The following TEX9 variants were observed in gnomAD, a reference collection of about 807,000 sequenced individuals.
The protein encoded by TEX9 is testis-expressed protein 9.
In TEX9, 74 loss-of-function variants were observed where a neutral mutation model predicts 59.6. The ratio of observed to expected loss-of-function variants is 1.24; its 90% CI spans 1.03 to 1.51. The LOEUF is 1.51. Ranked by LOEUF, TEX9 falls within the 40% of genes most tolerant of loss-of-function variation. TEX9 has a pLI of 0.00. For synonymous variants in TEX9, 186 were observed against 152.2 expected (o/e 1.22, Z -1.64); for missense variants, 522 against 447.8 (o/e 1.17, Z -1.49).
At chr15:56,440,535 C>T (rs2050799475) in intron 12 of TEX9, among the ~76,000 whole-genome samples, 1 of 152,134 alleles carries the variant, frequency 6.6e-6, no homozygotes, top group Non-Finnish European at 1.5e-5. Context: ...ATCAGATTTA[C>T]TCATCAGAGC....
At chr15:56,388,376 T>G (rs1292715468) in intron 4 of TEX9, 96 bp from the exon 5 acceptor site, 1 of 974,504 alleles carries the variant, frequency 1.0e-6, no homozygotes. Context: ...TGTTTGATTG[T>G]TGAATATTTT....
chr15:56,405,489 C>G (rs1247453844), intron 9 of TEX9, among the ~76,000 whole-genome samples: 2 of 152,064 alleles, frequency 1.3e-5, no homozygotes, highest in East Asian at 3.9e-4. Flanking sequence ...CCATCTATTC[C>G]AAAATCTTAT....
intron 1 of TEX9, among the ~76,000 whole-genome samples, chr15:56,246,314 G>C (rs1456046665): frequency 6.6e-6 from 1 of 152,170 alleles, no homozygotes; most frequent in African/African-American, 2.4e-5. Context: ...GCAATGGGAG[G>C]GGTGGCAGAG....
At chr15:56,414,070 G>A (rs2049541504) in intron 10 of TEX9, among the ~76,000 whole-genome samples, 1 of 151,684 alleles carries the variant, frequency 6.6e-6, no homozygotes, top group Non-Finnish European at 1.5e-5. Flanking sequence ...TTCCAATTTG[G>A]TGCATTTTAC....
intron 1 of TEX9, among the ~76,000 whole-genome samples, chr15:56,316,146 C>T (rs1330208239): frequency 6.9e-6 from 1 of 145,956 alleles, no homozygotes; most frequent in Non-Finnish European, 1.5e-5. Context: ...CTTCTTCTCT[C>T]AGCTCGTCAA....
intron 1 of TEX9, among the ~76,000 whole-genome samples, chr15:56,354,597 TG>T (rs1243229333): frequency 2.0e-5 from 3 of 152,222 alleles, no homozygotes; most frequent in African/African-American, 7.2e-5. Context: ...ATTTAAACCT[TG>T]TTCCCTTCTA....
chr15:56,370,515 G>T (rs1191783414), intron 2 of TEX9, among the ~76,000 whole-genome samples: 1 of 152,072 alleles, frequency 6.6e-6, no homozygotes, highest in Non-Finnish European at 1.5e-5. Flanking sequence ...CAGTTTATCT[G>T]AATGTAATTC....
chr15:56,402,091 C>G (rs1203007426), intron 9 of TEX9, among the ~76,000 whole-genome samples: 1 of 152,088 alleles, frequency 6.6e-6, no homozygotes, highest in East Asian at 1.9e-4. Flanking sequence ...CAAGAGGAAA[C>G]AAATTCAAAA....
At chr15:56,396,330 TCA>T (rs1247313294) in intron 9 of TEX9, 15 of 152,180 alleles carry the variant, frequency 9.9e-5, no homozygotes, top group African/African-American at 3.4e-4. Context: ...TGCAGTAAAT[TCA>T]CACTTTTTAG....
At position 56,374,837 on chromosome 15, in the gene TEX9, A is replaced by G. The variant is rs569808292; in HGVS notation, c.183+1333A>G. On this transcript the variant is annotated intron_variant, in intron 3 of 12. Coordinates refer to ENST00000352903, the Ensembl canonical transcript of TEX9. ...TTTTGTGCCTGGCTTATTTCACTCA[A>G]TGACTTCCAGTTACATCCATGTTGT... is the stretch of plus-strand genomic sequence containing the variant. Among the ~76,000 whole-genome samples the G allele has an allele frequency of 5.9e-5, 9 of 152,118 alleles. No homozygotes were observed. In the East Asian group the frequency reaches 1.3e-3, roughly 23 times the overall value.
downstream of TEX9, chr15:56,446,963 CAA>C: frequency 6.4e-7 from 1 of 1,551,224 alleles, no homozygotes; most frequent in Non-Finnish European, 8.8e-7. Flanking sequence ...AAAACAAAAA[CAA>C]ATTTAAATGT....
chr15:56,352,857 GCT>G (rs1329434937), intron 1 of TEX9, among the ~76,000 whole-genome samples: 1 of 152,172 alleles, frequency 6.6e-6, no homozygotes, highest in Non-Finnish European at 1.5e-5. Flanking sequence ...TGAAAATTGA[GCT>G]CTGATACATA....
chr15:56,316,410 G>C (rs566418546), intron 1 of TEX9, among the ~76,000 whole-genome samples: 5 of 139,432 alleles, frequency 3.6e-5, no homozygotes, highest in Non-Finnish European at 7.8e-5. Context: ...GTACCCTGCC[G>C]TGTGAGGCGT....
Position 56,256,269 on chromosome 15 carries a change from A to T in TEX9, c.-107+11991A>T, listed in dbSNP as rs563825624. Among the ~76,000 whole-genome samples the T allele has an allele frequency of 7.9e-5, 12 of 152,226 alleles. No homozygotes were observed. The East Asian group carries it at 2.3e-3, about 29-fold the overall frequency. ...GGAACTGAAGCACAAAGCTGTACTA[A>T]ATAACCCGGCCAAGGGCACACAATC... On this transcript the variant is annotated intron_variant, in intron 1 of 5. Transcript: ENST00000560827.
chr15:56,244,653 C>T (rs569358790), intron 1 of TEX9, among the ~76,000 whole-genome samples: 24 of 129,550 alleles, frequency 1.9e-4, no homozygotes, highest in African/African-American at 6.5e-4. Flanking sequence ...GGCTCTAAAG[C>T]ATAGCTCAAG....
the TEX9 span, among the ~76,000 whole-genome samples, chr15:56,452,506 TTTG>T: frequency 1.4e-5 from 2 of 147,678 alleles, no homozygotes; most frequent in Non-Finnish European, 3.0e-5. Flanking sequence ...TCCATATTGT[TTTG>T]TTTTCTTTTT....
chr15:56,443,287 TTC>T (rs1190216450), intron 12 of TEX9: 2 of 524,256 alleles, frequency 3.8e-6, no homozygotes, highest in African/African-American at 4.0e-5. Flanking sequence ...GCTTGAAAAT[TTC>T]TGTCTTTTAA....
intron 4 of TEX9, among the ~76,000 whole-genome samples, chr15:56,387,857 C>T (rs536898321): frequency 6.6e-6 from 1 of 152,062 alleles, no homozygotes; most frequent in East Asian, 1.9e-4. Context: ...CCATAGTTTG[C>T]AGACCTCCAT....
At chr15:56,390,797 G>T (rs1487503421) in intron 6 of TEX9, among the ~76,000 whole-genome samples, 1 of 151,936 alleles carries the variant, frequency 6.6e-6, no homozygotes, top group Non-Finnish European at 1.5e-5. Context: ...TAGAATTATG[G>T]CCAGGATGAT....
Sources: allele counts gnomAD v4.1 joint callset (sites outside exome capture counted in the v4.1 genomes callset), GRCh38; gene constraint gnomAD v4.1.1; transcripts MANE v1.5; gene names NCBI Gene and HGNC (gene_info 2026-07-23, HGNC 2026-07-21).